The following SDK2 variants were observed in gnomAD, a reference collection of about 807,000 sequenced individuals.
SDK2 encodes protein sidekick-2.
SDK2 carries 105 observed loss-of-function variants against 253.9 expected under a neutral mutation model. The observed-to-expected ratio is 0.41, with a 90% confidence interval of 0.35 to 0.49. The LOEUF (loss-of-function observed/expected upper bound fraction) is 0.49. SDK2 is among the 20% of genes least tolerant of loss of function. The pLI, the probability that SDK2 is intolerant of heterozygous loss-of-function variation, is 0.06. For synonymous variants in SDK2, 1,249 were observed against 1,234.9 expected, an observed-to-expected ratio of 1.01 and a Z score of -0.24; for missense variants, 2,608 against 3,003.0, an observed-to-expected ratio of 0.87 and a Z score of 3.07.
At chr17:73,428,983 A>G (rs1415101194) in intron 12 of SDK2, among the ~76,000 whole-genome samples, 1 of 152,220 alleles carries the variant, frequency 6.6e-6, no homozygotes, top group East Asian at 1.9e-4. Context: ...GGAAGGGCCT[A>G]CAGAGTGGGT....
chr17:73,572,318 G>C (rs1266805609), intron 1 of SDK2, among the ~76,000 whole-genome samples: 1 of 152,066 alleles, frequency 6.6e-6, no homozygotes. Flanking sequence ...TGAGGGCTCA[G>C]TTATCCCTGT....
At chr17:73,407,393 C>A (rs2063087922) in intron 18 of SDK2, among the ~76,000 whole-genome samples, 1 of 152,078 alleles carries the variant, frequency 6.6e-6, no homozygotes, top group Non-Finnish European at 1.5e-5. Flanking sequence ...ACTGGCAGCA[C>A]CCAGTACCAT....
chr17:73,359,946 C>A (rs1007852748), intron 39 of SDK2, among the ~76,000 whole-genome samples: 1 of 152,176 alleles, frequency 6.6e-6, no homozygotes, highest in Non-Finnish European at 1.5e-5. Flanking sequence ...CCGGCTGGTT[C>A]TTTCTTTCTC....
chr17:73,553,256 G>A (rs1170369156), intron 1 of SDK2, among the ~76,000 whole-genome samples: 1 of 152,182 alleles, frequency 6.6e-6, no homozygotes, highest in Non-Finnish European at 1.5e-5. Context: ...CCAGTGGTGG[G>A]AGCCCAAGGC....
At chr17:73,571,783 CCT>C (rs1448157188) in intron 1 of SDK2, among the ~76,000 whole-genome samples, 4 of 152,128 alleles carry the variant, frequency 2.6e-5, no homozygotes, top group Admixed American at 6.5e-5. Flanking sequence ...CCTCCCCTGC[CCT>C]CTCTGACCGG....
intron 18 of SDK2, among the ~76,000 whole-genome samples, chr17:73,403,443 C>A (rs192735433): frequency 6.6e-6 from 1 of 151,764 alleles, no homozygotes; most frequent in Admixed American, 6.6e-5. Context: ...CCGCCTGTCT[C>A]GCCTCCTGCT....
intron 44 of SDK2, among the ~76,000 whole-genome samples, chr17:73,345,193 C>T (rs968972949): frequency 2.0e-5 from 3 of 152,074 alleles, no homozygotes; most frequent in African/African-American, 7.2e-5. Flanking sequence ...GTGGTAGGTG[C>T]CTGTAATCCC....
chr17:73,574,607 C>A (rs2045432942), intron 1 of SDK2, among the ~76,000 whole-genome samples: 1 of 152,210 alleles, frequency 6.6e-6, no homozygotes, highest in Non-Finnish European at 1.5e-5. Context: ...CAGCTATCAG[C>A]CAGGAGACAA....
At chr17:73,405,034 C>A (rs2063059526) in intron 18 of SDK2, among the ~76,000 whole-genome samples, 1 of 151,372 alleles carries the variant, frequency 6.6e-6, no homozygotes, top group African/African-American at 2.4e-5. Flanking sequence ...AAACAGCTGC[C>A]TTGCTGGGTT....
intron 1 of SDK2, among the ~76,000 whole-genome samples, chr17:73,605,322 G>T (rs1340847566): frequency 1.3e-5 from 2 of 152,152 alleles, no homozygotes; most frequent in East Asian, 1.9e-4. Flanking sequence ...GAGAGAGGAT[G>T]GAGGTCCAGG....
chr17:73,483,507 G>T (rs148888332), intron 2 of SDK2, among the ~76,000 whole-genome samples: 1 of 50,674 alleles, frequency 2.0e-5, no homozygotes, highest in Non-Finnish European at 4.2e-5. Flanking sequence ...GTGTGTGTGT[G>T]TGTATGTGTG....
intron 1 of SDK2, among the ~76,000 whole-genome samples, chr17:73,596,781 A>G (rs2045765072): frequency 6.6e-6 from 1 of 152,082 alleles, no homozygotes; most frequent in South Asian, 2.1e-4. Flanking sequence ...TCCTCCCTCC[A>G]TGGCCTCCAG....
rs2063463815 is a variant in SDK2, at chr17:73,447,746, G to T, written c.482C>A (p.Ala161Asp). The T allele has an allele frequency of 6.4e-7, 1 of 1,551,564 alleles. No individual in the cohort carries two copies. The highest frequency in any genetic ancestry group is 2.0e-5 in the Admixed American group (1 of 50,974). Residue 161 changes from alanine (A) to aspartate (D), a missense_variant and splice_region_variant, in exon 5 of 45, where the codon GCC becomes GAC. This residue lies in a region of SDK2 where 1,505 missense variants were observed against 1,859.1 expected (regional missense o/e 0.81). Transcript: ENST00000392650. This position sits in a 1 kb window ranked among gnomAD's most constrained non-coding sequence, Gnocchi z 4.0. ...GRKIPPSSRIAITLENTLVIL... is the reference protein window; with the variant it reads ...GRKIPPSSRIDITLENTLVIL... ...GACAAGGGTGTTCTCCAGCGTGATG[G>T]CTCTGGGAAGAGGAAAAGGATTCCT...
chr17:73,565,251 C>A (rs1191047198), intron 1 of SDK2, among the ~76,000 whole-genome samples: 1 of 152,156 alleles, frequency 6.6e-6, no homozygotes. Context: ...TCTACCCAAA[C>A]CTTAGGCTGA....
chr17:73,342,378 G>C (rs922774118), intron 44 of SDK2, among the ~76,000 whole-genome samples: 2 of 152,224 alleles, frequency 1.3e-5, no homozygotes, highest in African/African-American at 4.8e-5. Context: ...GGAGAACAAA[G>C]AGGGGGCACA....
At chr17:73,414,948 AT>A (rs1372287640) in intron 17 of SDK2, among the ~76,000 whole-genome samples, 189 bp from the exon 18 acceptor site, 4 of 152,196 alleles carry the variant, frequency 2.6e-5, no homozygotes, top group Admixed American at 6.5e-5. Context: ...TTTGCGTTTA[AT>A]AAAACTTGCC....
chr17:73,397,280 G>C (rs1002338316), intron 24 of SDK2, among the ~76,000 whole-genome samples: 1 of 152,180 alleles, frequency 6.6e-6, no homozygotes, highest in Non-Finnish European at 1.5e-5. Context: ...GCTGGGAAAC[G>C]ATGTTCCAGA....
Position 73,338,972 on chromosome 17 carries a change from G to A in SDK2, c.6166-32C>T. ...GGACAGAGAATCAGGGTGTGTCAGT[G>A]GCCCCGTAGGGACAGGCCATTGTGG... On this transcript the variant is annotated intron_variant, in intron 44 of 44. Transcript: ENST00000392650. The surrounding 1 kb of genome is among the most constrained non-coding windows in gnomAD (Gnocchi z 5.0). The A allele has an allele frequency of 6.3e-7, 1 of 1,586,512 alleles. No individual in the cohort carries two copies. The highest frequency in any genetic ancestry group is 8.7e-7 in the Non-Finnish European group (1 of 1,155,188).
At chr17:73,408,195 G>T (rs1382783501) in intron 18 of SDK2, among the ~76,000 whole-genome samples, 1 of 151,350 alleles carries the variant, frequency 6.6e-6, no homozygotes, top group Non-Finnish European at 1.5e-5. Context: ...GAGATTAGAG[G>T]CATGTACCAC....
Sources: gnomAD v4.1 joint callset for allele counts (sites outside exome capture counted in the v4.1 genomes callset) on GRCh38, gnomAD v4.1.1 for gene constraint, gnomAD v4.1.1 regional missense constraint, Gnocchi (gnomAD v3.1) non-coding constraint, MANE v1.5 for transcripts, NCBI Gene and HGNC (gene_info 2026-07-23, HGNC 2026-07-21) for gene names.